BCL9: variants seen among roughly 807,000 people sequenced by gnomAD.
The protein encoded by BCL9 is BCL9 transcription coactivator, also known as B-cell CLL/lymphoma 9 protein.
Under a neutral mutation model 88.5 loss-of-function variants are expected in BCL9, and 25 were observed. That is an observed-to-expected ratio of 0.28 (90% CI 0.21 to 0.39). The LOEUF (loss-of-function observed/expected upper bound fraction) is 0.39, where lower values mean the gene tolerates loss of function less well. BCL9 is among the 10% of genes least tolerant of loss of function. The pLI is 1.00. For synonymous variants in BCL9, 711 were observed against 673.3 expected, an observed-to-expected ratio of 1.06 and a Z score of -0.87; for missense variants, 1,817 against 1,877.8, an observed-to-expected ratio of 0.97 and a Z score of 0.60.
chr1:147,547,568 G>C (rs1553194378), intron 1 of BCL9, among the ~76,000 whole-genome samples: 1 of 152,126 alleles, frequency 6.6e-6, no homozygotes, highest in East Asian at 1.9e-4. Context: ...TAGTATGTAA[G>C]ATATAATTAC....
At chr1:147,581,086 G>A (rs1432580089) in intron 1 of BCL9, among the ~76,000 whole-genome samples, 4 of 152,010 alleles carry the variant, frequency 2.6e-5, no homozygotes, top group South Asian at 2.1e-4. Context: ...TTTGAAACCT[G>A]GTTCTGCCTC....
chr1:147,546,895 G>T (rs1654628114), intron 1 of BCL9, among the ~76,000 whole-genome samples: 1 of 152,156 alleles, frequency 6.6e-6, no homozygotes, highest in Non-Finnish European at 1.5e-5. Context: ...GAAAGAATAG[G>T]CTGTTTTGAA....
chr1:147,619,815 A>C lies in BCL9; in HGVS notation c.1660A>C (p.Asn554His), dbSNP rs782406247. ...LPPRGMAPHP[N>H]MPGSQMRLPG... ...CCCGAGGGGCATGGCTCCCCACCCC[A>C]ACATGCCAGGGAGCCAGATGCGCCT... is the stretch of plus-strand genomic sequence containing the variant. Residue 554 changes from asparagine to histidine, a missense_variant, in exon 8 of 10, where the codon AAC becomes CAC. Around this residue, in one of 2 missense-constraint regions of BCL9, gnomAD observed 1,228 missense variants for 1,191.6 expected, o/e 1.03. Transcript: ENST00000234739. The surrounding 1 kb of genome is among the most constrained non-coding windows in gnomAD (Gnocchi z 4.1). 1.2e-6 allele frequency: 2 copies of C among 1,614,114 alleles called. No individual in the cohort carries two copies. Among genetic ancestry groups the C allele is most frequent in the Non-Finnish European group, 1.7e-6 (2 of 1,180,008 alleles).
chr1:147,604,472 G>A (rs1657551328), intron 1 of BCL9, among the ~76,000 whole-genome samples: 1 of 152,192 alleles, frequency 6.6e-6, no homozygotes, highest in Non-Finnish European at 1.5e-5. Flanking sequence ...GGTGGAAAAT[G>A]TTAAAAACAA....
rs587764737 is a variant in BCL9, at chr1:147,619,444, T to G, written c.1289T>G (p.Phe430Cys). The change falls in exon 8 of 10, where the codon TTT (phenylalanine) becomes TGT (cysteine). Residue 430 changes from phenylalanine to cysteine, a missense_variant. Phe to Cys is a radical substitution (Grantham distance 205). This residue lies in a region of BCL9 where 1,228 missense variants were observed against 1,191.6 expected (regional missense o/e 1.03). Coordinates refer to ENST00000234739, the MANE Select transcript of BCL9 (RefSeq NM_004326.4). This position sits in a 1 kb window ranked among gnomAD's most constrained non-coding sequence, Gnocchi z 4.1. ...CCCCGGACAGACGTGGGAGCTCCAT[T>G]TGGCCCTCAAGGACATAGAGATGTA... Reference protein sequence around the residue: ...PGPRTDVGAPFGPQGHRDVPF... With the variant: ...PGPRTDVGAPCGPQGHRDVPF... 6.9e-5 allele frequency: 111 copies of G among 1,614,006 alleles called. No homozygotes were observed. The South Asian group carries it at 1.1e-3, about 16-fold the overall frequency.
At chr1:147,555,187 C>G (rs945136385) in intron 1 of BCL9, among the ~76,000 whole-genome samples, 3 of 152,074 alleles carry the variant, frequency 2.0e-5, no homozygotes, top group Admixed American at 2.0e-4. Context: ...TAAGAACACA[C>G]AGTAATGGCA....
intron 9 of BCL9, among the ~76,000 whole-genome samples, chr1:147,623,093 A>T (rs1256336253): frequency 1.3e-5 from 2 of 151,944 alleles, no homozygotes. Context: ...AATGATCAGG[A>T]TGGTGAAAGC....
intron 1 of BCL9, among the ~76,000 whole-genome samples, chr1:147,573,580 G>A (rs755527875): frequency 1.3e-5 from 2 of 152,180 alleles, no homozygotes; most frequent in South Asian, 4.1e-4. Flanking sequence ...GAGTGAGACC[G>A]GGGTTCAATT....
At chr1:147,590,934 A>ATAC (rs1656819511) in intron 1 of BCL9, among the ~76,000 whole-genome samples, 1 of 152,240 alleles carries the variant, frequency 6.6e-6, no homozygotes, top group African/African-American at 2.4e-5. Context: ...ATATAAAAGA[A>ATAC]TACTTTGAAA....
At chr1:147,579,325 G>T (rs1165427900) in intron 1 of BCL9, among the ~76,000 whole-genome samples, 2 of 152,184 alleles carry the variant, frequency 1.3e-5, no homozygotes, top group African/African-American at 4.8e-5. Flanking sequence ...TTAGCATTTT[G>T]ATTTTTGGCA....
chr1:147,586,675 G>A (rs1553199261), intron 1 of BCL9, among the ~76,000 whole-genome samples: 4 of 152,238 alleles, frequency 2.6e-5, no homozygotes, highest in African/African-American at 9.6e-5. Flanking sequence ...ACCACACACT[G>A]CTCTCGCAGG....
chr1:147,559,834 T>G (rs1390993927), intron 1 of BCL9, among the ~76,000 whole-genome samples: 1 of 152,164 alleles, frequency 6.6e-6, no homozygotes, highest in African/African-American at 2.4e-5. Context: ...AAAAATAGTA[T>G]TTGAAAAAGA....
Position 147,620,150 on chromosome 1 carries a change from C to G in BCL9, c.1995C>G (p.Ser665=). 1 of 1,614,178 alleles carries G rather than the reference C, an allele frequency of 6.2e-7. No individual in the cohort carries two copies. The highest frequency in any genetic ancestry group is 8.5e-7 in the Non-Finnish European group (1 of 1,180,028). ...AGATGAACAGGATGATTCCAGGCTC[C>G]CAGCGCCACATGGAGCCTGGGAATA... The part of the protein sequence containing the change: ...SMEMNRMIPG[S]QRHMEPGNNP... The change falls in exon 8 of 10, where the codon TCC becomes TCG. Residue 665 remains serine (S), a synonymous_variant. Coordinates refer to ENST00000234739, the MANE Select transcript of BCL9 (RefSeq NM_004326.4).
intron 1 of BCL9, among the ~76,000 whole-genome samples, chr1:147,596,771 A>G (rs1657076449): frequency 6.6e-6 from 1 of 152,024 alleles, no homozygotes; most frequent in South Asian, 2.1e-4. Context: ...ATCATTTTCA[A>G]TTATTAATGA....
chr1:147,570,711 C>A (rs1377466293), intron 1 of BCL9, among the ~76,000 whole-genome samples: 5 of 147,064 alleles, frequency 3.4e-5, no homozygotes, highest in Non-Finnish European at 5.9e-5. Context: ...TCTCAGCTCA[C>A]TGCAAACTCT....
At chr1:147,555,431 T>TG (rs1655064548) in intron 1 of BCL9, among the ~76,000 whole-genome samples, 1 of 152,230 alleles carries the variant, frequency 6.6e-6, no homozygotes, top group African/African-American at 2.4e-5. Flanking sequence ...CTTCACACCC[T>TG]GTATTGTAGC....
At chr1:147,554,623 A>G (rs1553195215) in intron 1 of BCL9, among the ~76,000 whole-genome samples, 1 of 152,210 alleles carries the variant, frequency 6.6e-6, no homozygotes, top group Non-Finnish European at 1.5e-5. Context: ...GCTCATGAGA[A>G]AGGCAGTCTG....
intron 1 of BCL9, among the ~76,000 whole-genome samples, chr1:147,592,781 A>G (rs1656900024): frequency 6.6e-6 from 1 of 152,204 alleles, no homozygotes; most frequent in South Asian, 2.1e-4. Flanking sequence ...TCGGGCACTT[A>G]ACTATGTGCT....
At chr1:147,587,955 T>C (rs1444314674) in intron 1 of BCL9, among the ~76,000 whole-genome samples, 1 of 152,198 alleles carries the variant, frequency 6.6e-6, no homozygotes, top group African/African-American at 2.4e-5. Context: ...TAGGTTATAA[T>C]GAAATATAAT....
Sources: gnomAD v4.1 joint callset for allele counts (sites outside exome capture counted in the v4.1 genomes callset) on GRCh38, gnomAD v4.1.1 for gene constraint, gnomAD v4.1.1 regional missense constraint, Gnocchi (gnomAD v3.1) non-coding constraint, MANE v1.5 for transcripts, NCBI Gene and HGNC (gene_info 2026-07-23, HGNC 2026-07-21) for gene names.